Variants in ARFGEF3 observed in about 807,000 individuals in gnomAD.
The protein encoded by ARFGEF3 is ARFGEF family member 3.
Under a neutral mutation model 221.7 loss-of-function variants are expected in ARFGEF3, and 96 were observed. The observed-to-expected ratio is 0.43, with a 90% CI of 0.37 to 0.51. The LOEUF (loss-of-function observed/expected upper bound fraction) is 0.51, where lower values mean the gene tolerates loss of function less well. Among genes scored for constraint, ARFGEF3 ranks in the 20% least tolerant of loss-of-function variants. The pLI, the probability that ARFGEF3 is intolerant of heterozygous loss-of-function variation, is 0.00. For missense variants in ARFGEF3, 2,410 were observed against 2,789.9 expected (o/e 0.86, Z 3.07); for synonymous variants, 1,145 against 1,126.8 (o/e 1.02, Z -0.32).
chr6:138,235,508 A>T (rs1000632646), intron 5 of ARFGEF3, among the ~76,000 whole-genome samples: 1 of 152,218 alleles, frequency 6.6e-6, no homozygotes, highest in East Asian at 1.9e-4. Context: ...GAAGAAACTG[A>T]TGAGCTCTGT....
chr6:138,248,523 T>C (rs956841976), intron 8 of ARFGEF3, among the ~76,000 whole-genome samples: 4 of 152,204 alleles, frequency 2.6e-5, no homozygotes, highest in African/African-American at 9.6e-5. Flanking sequence ...AGTAGTTTTC[T>C]AAGGGAAAAA....
chr6:138,336,471 T>C lies in ARFGEF3; in HGVS notation c.6519T>C (p.Tyr2173=). Residue 2173 remains tyrosine (Y), a synonymous_variant, in exon 34 of 34, where the codon TAT becomes TAC. Coordinates refer to ENST00000251691, the MANE Select transcript of ARFGEF3 (RefSeq NM_020340.5). The stretch of plus-strand genomic sequence containing the variant: ...GGCTGGGCAGGGTGGGCCGTGTCTA[T>C]GACATCATTGTGTAGCCGACTCCTG... ...REWLGRVGRV[Y]DIIV 1 of 1,608,830 alleles carries C rather than the reference T, an allele frequency of 6.2e-7. No individual in the cohort carries two copies. Among genetic ancestry groups the C allele is most frequent in the South Asian group, 1.1e-5 (1 of 89,940 alleles).
rs1779992225 is a variant in ARFGEF3, at chr6:138,319,890, T to G, written c.4651+11T>G. The G allele has an allele frequency of 1.2e-6, 2 of 1,612,894 alleles. No individual in the cohort carries two copies. The highest frequency in any genetic ancestry group is 1.7e-6 in the Non-Finnish European group (2 of 1,179,280). ...GCTTTCTACATTCAGGTATCTGAAGTGCCAGAGCAGTTCATTCTGGGTATT... is the reference window on the plus strand; with the variant it reads ...GCTTTCTACATTCAGGTATCTGAAGGGCCAGAGCAGTTCATTCTGGGTATT... On this transcript the variant is annotated intron_variant, in intron 28 of 33. Coordinates refer to ENST00000251691, the MANE Select transcript of ARFGEF3 (RefSeq NM_020340.5).
intron 4 of ARFGEF3, among the ~76,000 whole-genome samples, chr6:138,225,157 T>TA (rs1414694600): frequency 1.3e-5 from 2 of 152,258 alleles, no homozygotes; most frequent in Non-Finnish European, 2.9e-5. Flanking sequence ...TAGATCTTAT[T>TA]AAGTGCCTGT....
At chr6:138,272,455 C>T (rs1217962327) in intron 12 of ARFGEF3, among the ~76,000 whole-genome samples, 3 of 152,046 alleles carry the variant, frequency 2.0e-5, no homozygotes, top group African/African-American at 7.2e-5. Flanking sequence ...CTGCACCTGG[C>T]CTATATAGCC....
chr6:138,274,320 G>A (rs1323714196), intron 12 of ARFGEF3, among the ~76,000 whole-genome samples: 4 of 152,066 alleles, frequency 2.6e-5, no homozygotes, highest in Non-Finnish European at 5.9e-5. Context: ...GCTACTTTCT[G>A]TTTTACCATG....
chr6:138,282,226 A>T (rs1410375206), intron 14 of ARFGEF3, among the ~76,000 whole-genome samples: 1 of 152,124 alleles, frequency 6.6e-6, no homozygotes, highest in Non-Finnish European at 1.5e-5. Context: ...AAGTGCTGAG[A>T]TTACAGGCGT....
At chr6:138,315,266 C>T (rs1195372915) in intron 26 of ARFGEF3, among the ~76,000 whole-genome samples, 2 of 152,128 alleles carry the variant, frequency 1.3e-5, no homozygotes, top group African/African-American at 4.8e-5. Flanking sequence ...AATTAGGTCC[C>T]ATGTGATCTC....
intron 2 of ARFGEF3, among the ~76,000 whole-genome samples, chr6:138,185,187 C>T (rs1471506693): frequency 2.0e-5 from 3 of 152,174 alleles, no homozygotes; most frequent in East Asian, 1.9e-4. Context: ...TCCTCCAAAA[C>T]GTTTCACCTT....
intron 29 of ARFGEF3, 72 bp downstream of exon 29, chr6:138,321,297 C>A: frequency 1.1e-6 from 1 of 906,180 alleles, no homozygotes; most frequent in Non-Finnish European, 1.7e-6. Context: ...ATTAAATTGT[C>A]TTTGTGGTAG....
intron 4 of ARFGEF3, among the ~76,000 whole-genome samples, chr6:138,220,257 C>A (rs983480598): frequency 6.6e-6 from 1 of 152,186 alleles, no homozygotes; most frequent in African/African-American, 2.4e-5. Context: ...TCTGCCTTGG[C>A]CTCCCGAAGT....
At chr6:138,239,149 A>C (rs1172012640) in intron 6 of ARFGEF3, among the ~76,000 whole-genome samples, 9 of 152,152 alleles carry the variant, frequency 5.9e-5, no homozygotes, top group African/African-American at 2.2e-4. Context: ...AGATTGTCTA[A>C]AGTGAGCATT....
At chr6:138,322,269 G>T (rs1043979755) in intron 29 of ARFGEF3, among the ~76,000 whole-genome samples, 1 of 152,162 alleles carries the variant, frequency 6.6e-6, no homozygotes, top group African/African-American at 2.4e-5. Context: ...CAGGCTTTCA[G>T]ACTTGGACTG....
chr6:138,301,801 A>G (rs1471490486), intron 22 of ARFGEF3, among the ~76,000 whole-genome samples: 2 of 152,288 alleles, frequency 1.3e-5, no homozygotes, highest in African/African-American at 4.8e-5. Flanking sequence ...TTAAAGACTC[A>G]AGGTGTTTGA....
rs1173919233 is a variant in ARFGEF3, at chr6:138,238,577, C to T, written c.489C>T (p.Leu163=). ...TAAACACTGCTGTGCGGGCAACTCT[C>T]AGTCAAATGCTGAGTGACTTGACTT... ...RSINTAVRAT[L]SQMLSDLTLQ... The change falls in exon 6 of 34, where the codon CTC becomes CTT. Residue 163 remains leucine (L), a synonymous_variant. Coordinates refer to ENST00000251691, the MANE Select transcript of ARFGEF3 (RefSeq NM_020340.5). The T allele has an allele frequency of 6.2e-7, 1 of 1,613,694 alleles. No individual in the cohort carries two copies. The highest frequency in any genetic ancestry group is 8.5e-7 in the Non-Finnish European group (1 of 1,179,732).
In ARFGEF3 at chr6:138,340,736, G is replaced by A. The variant is rs1037191420; in HGVS notation, c.*4250G>A. 4 of 152,086 alleles carry A rather than the reference G, an allele frequency of 2.6e-5. No homozygotes were observed. Among genetic ancestry groups the A allele is most frequent in the African/African-American group, 7.2e-5 (3 of 41,404 alleles). 9.4% of individuals were successfully genotyped at this position (152,086 alleles called of 1,614,324 possible). On this transcript the variant is annotated 3_prime_UTR_variant, in exon 34 of 34. Transcript: ENST00000251691. ...AGATAACAAGTAAAAGGCAAAGTTG[G>A]TTGCAAAAGAGGTGTTTCTGAATTC...
At chr6:138,280,231 T>C in intron 14 of ARFGEF3, 67 bp downstream of exon 14, 1 of 1,498,988 alleles carries the variant, frequency 6.7e-7, no homozygotes, top group Non-Finnish European at 9.1e-7. Context: ...TTAAAGCCTC[T>C]TTCAGAGAAG....
chr6:138,197,119 C>T (rs752263360), intron 2 of ARFGEF3, among the ~76,000 whole-genome samples: 8 of 152,210 alleles, frequency 5.3e-5, no homozygotes, highest in Non-Finnish European at 1.0e-4. Context: ...AGGCATGAGC[C>T]GCCATGCCCG....
intron 31 of ARFGEF3, 82 bp from the exon 32 acceptor site, chr6:138,327,939 G>C (rs1780155823): frequency 8.5e-7 from 1 of 1,180,084 alleles, no homozygotes; most frequent in African/African-American, 1.5e-5. Flanking sequence ...GGCTCAACTT[G>C]CCCAGGGTCA....
Sources: gnomAD v4.1 joint callset for allele counts (sites outside exome capture counted in the v4.1 genomes callset) on GRCh38, gnomAD v4.1.1 for gene constraint, MANE v1.5 for transcripts, NCBI Gene and HGNC (gene_info 2026-07-23, HGNC 2026-07-21) for gene names.